AEBP2: variants seen among roughly 807,000 people sequenced by gnomAD.
The protein encoded by AEBP2 is AE binding protein 2, also known as zinc finger protein AEBP2.
A neutral mutation model predicts 50.8 loss-of-function variants in AEBP2; 10 were observed. The ratio of observed to expected loss-of-function variants is 0.20; its 90% confidence interval spans 0.12 to 0.33. AEBP2 has a LOEUF of 0.33. AEBP2 is among the 10% of genes least tolerant of loss of function. AEBP2 has a pLI of 1.00. For missense variants in AEBP2, 570 were observed against 688.0 expected (o/e 0.83, Z 1.92); for synonymous variants, 296 against 261.3 (o/e 1.13, Z -1.28).
chr12:19,518,871 C>A lies in AEBP2; in HGVS notation c.*754C>A, dbSNP rs1949358705. On this transcript the variant is annotated 3_prime_UTR_variant, in exon 8 of 8. Coordinates refer to ENST00000266508, the MANE Select transcript of AEBP2 (RefSeq NM_153207.5). Reference sequence around the variant, plus strand: ...GTTAATATTTACCTATATAACTAATCTGTTAACGGTTTTTGAAAAACCTTT... The same window carrying A: ...GTTAATATTTACCTATATAACTAATATGTTAACGGTTTTTGAAAAACCTTT... The A allele has an allele frequency of 4.2e-6, 2 of 474,060 alleles. No individual in the cohort carries two copies. Among genetic ancestry groups the A allele is most frequent in the Non-Finnish European group, 6.9e-6 (2 of 290,856 alleles). 29.4% of individuals were successfully genotyped at this position (474,060 alleles called of 1,614,324 possible). A position where few individuals can be genotyped will look rare whatever the true frequency, so the allele number is the denominator to read the frequency against.
chr12:19,513,016 TTTTG>T (rs1281214343), intron 6 of AEBP2, among the ~76,000 whole-genome samples: 1 of 152,102 alleles, frequency 6.6e-6, no homozygotes, highest in East Asian at 1.9e-4. Context: ...TTTGTTTTGT[TTTTG>T]TTTTTTTGTT....
intron 1 of AEBP2, among the ~76,000 whole-genome samples, chr12:19,432,926 T>C (rs2565675): frequency 0.27 from 40,390 of 151,860 alleles, 6,520 homozygotes; most frequent in African/African-American, 0.46. Context: ...ACCCCATCAG[T>C]GCTGTGGTTG....
Position 19,440,281 on chromosome 12 carries a change from C to T in AEBP2, c.582C>T (p.Gly194=), listed in dbSNP as rs757927196. The T allele has an allele frequency of 5.5e-6, 8 of 1,460,670 alleles. No individual in the cohort carries two copies. The highest frequency in any genetic ancestry group is 2.8e-5 in the South Asian group (2 of 70,334). The allele number at this position is 1,460,670 out of a possible 1,614,324, so 90.5% of individuals were successfully genotyped here. A position where few individuals can be genotyped will look rare whatever the true frequency, so the allele number is the denominator to read the frequency against. Residue 194 remains glycine, a synonymous_variant, in exon 1 of 8, where the codon GGC becomes GGT. Coordinates refer to ENST00000266508, the MANE Select transcript of AEBP2 (RefSeq NM_153207.5). ...ACGAGGGCTACGGGACTGGGGGAGG[C>T]GGAAGCAGCGCGACCTCCGGGGGCC... ...GGDEGYGTGG[G]GSSATSGGRR...
At chr12:19,409,631 A>G (rs888535528) in intron 1 of AEBP2, among the ~76,000 whole-genome samples, 6 of 152,200 alleles carry the variant, frequency 3.9e-5, no homozygotes, top group African/African-American at 9.6e-5. Context: ...CTTACTTCAC[A>G]TACATTTTTA....
intron 1 of AEBP2, among the ~76,000 whole-genome samples, chr12:19,407,645 C>T (rs569446713): frequency 7.9e-5 from 12 of 152,154 alleles, no homozygotes; most frequent in Middle Eastern, 3.4e-3. Context: ...TACTATGTTG[C>T]CCAGGCTGGT....
chr12:19,486,334 T>G (rs1948809139), intron 3 of AEBP2, among the ~76,000 whole-genome samples: 1 of 152,202 alleles, frequency 6.6e-6, no homozygotes, highest in South Asian at 2.1e-4. Flanking sequence ...ACTGTACAGA[T>G]AAATCCATTC....
chr12:19,492,874 G>T (rs1205356854), intron 3 of AEBP2, among the ~76,000 whole-genome samples: 1 of 152,052 alleles, frequency 6.6e-6, no homozygotes, highest in Admixed American at 6.6e-5. Context: ...CACCTGGGAG[G>T]CTGAGGTGGG....
chr12:19,414,238 C>T (rs2095741031), intron 1 of AEBP2, among the ~76,000 whole-genome samples: 1 of 152,060 alleles, frequency 6.6e-6, no homozygotes, highest in South Asian at 2.1e-4. Context: ...CCTATCTCAT[C>T]CTGTGATTTA....
At chr12:19,487,489 G>A (rs1227143546) in intron 3 of AEBP2, among the ~76,000 whole-genome samples, 2 of 152,076 alleles carry the variant, frequency 1.3e-5, no homozygotes, top group Non-Finnish European at 2.9e-5. Context: ...AGGCCAAGGC[G>A]GGTGGATCAT....
chr12:19,469,632 A>G (rs1157363372), intron 2 of AEBP2, among the ~76,000 whole-genome samples: 1 of 152,164 alleles, frequency 6.6e-6, no homozygotes, highest in East Asian at 1.9e-4. Flanking sequence ...AAACATTTTC[A>G]GAGTTGGGAT....
chr12:19,472,062 G>A (rs1948581756), intron 2 of AEBP2, among the ~76,000 whole-genome samples: 1 of 152,174 alleles, frequency 6.6e-6, no homozygotes, highest in Non-Finnish European at 1.5e-5. Context: ...TCAAATGGCA[G>A]TGGTGGTATT....
chr12:19,413,306 CT>C, intron 1 of AEBP2: 1 of 1,312,622 alleles, frequency 7.6e-7, no homozygotes, highest in Non-Finnish European at 1.1e-6. Context: ...AGAGAATTAC[CT>C]TATACAGATG....
At chr12:19,448,296 G>C (rs1002794367) in intron 1 of AEBP2, among the ~76,000 whole-genome samples, 7 of 152,062 alleles carry the variant, frequency 4.6e-5, no homozygotes, top group African/African-American at 1.7e-4. Context: ...CATTTTAAAA[G>C]TAAAGATCAG....
At chr12:19,423,995 G>A (rs34785875) in intron 1 of AEBP2, among the ~76,000 whole-genome samples, 13,740 of 152,194 alleles carry the variant, frequency 0.09, 707 homozygotes, top group Middle Eastern at 0.15. Context: ...AATACTGTAC[G>A]GCAGCATGGA....
rs746011936 is a variant in AEBP2, at chr12:19,456,332, T to C, written c.672-6178T>C. 6 of 1,419,304 alleles carry C rather than the reference T, an allele frequency of 4.2e-6. No homozygotes were observed. In the East Asian group the frequency reaches 1.1e-4, roughly 27 times the overall value. 87.9% of individuals were successfully genotyped at this position (1,419,304 alleles called of 1,614,324 possible). On this transcript the variant is annotated intron_variant, in intron 1 of 7. Coordinates refer to ENST00000266508, the MANE Select transcript of AEBP2 (RefSeq NM_153207.5). ...TGTTCACTGCTTTGATGACATCCAC[T>C]GCAACTGTCTGTCTCATATCATGAA...
chr12:19,464,254 A>G (rs1948431466), intron 2 of AEBP2, among the ~76,000 whole-genome samples: 2 of 152,230 alleles, frequency 1.3e-5, no homozygotes, highest in Admixed American at 1.3e-4. Flanking sequence ...AGTGTGAAGT[A>G]TCTTAGCAAG....
chr12:19,472,633 A>C (rs1409450573), intron 2 of AEBP2, among the ~76,000 whole-genome samples: 1 of 152,162 alleles, frequency 6.6e-6, no homozygotes, highest in Non-Finnish European at 1.5e-5. Context: ...GGTCTCAAAT[A>C]TCTCTCTATG....
intron 5 of AEBP2, among the ~76,000 whole-genome samples, chr12:19,505,923 A>G (rs1304553479): frequency 6.6e-6 from 1 of 151,472 alleles, no homozygotes; most frequent in Non-Finnish European, 1.5e-5. Context: ...CTGTAGGAGC[A>G]CACCACGATG....
chr12:19,475,530 G>A (rs771579984), intron 3 of AEBP2, among the ~76,000 whole-genome samples: 3 of 152,074 alleles, frequency 2.0e-5, no homozygotes, highest in Non-Finnish European at 4.4e-5. Flanking sequence ...GTGTGTGCAA[G>A]TGTCTTTTTC....
Sources: allele counts gnomAD v4.1 joint callset (sites outside exome capture counted in the v4.1 genomes callset), GRCh38; gene constraint gnomAD v4.1.1; transcripts MANE v1.5; gene names NCBI Gene and HGNC (gene_info 2026-07-23, HGNC 2026-07-21).